The following HOMER2 variants were observed in gnomAD, a reference collection of about 807,000 sequenced individuals.
HOMER2 encodes homer protein homolog 2.
Under a neutral mutation model 47.0 loss-of-function variants are expected in HOMER2, and 27 were observed. That is an observed-to-expected ratio of 0.57 (90% CI 0.42 to 0.79). The LOEUF (loss-of-function observed/expected upper bound fraction) is 0.79, where lower values mean the gene tolerates loss of function less well. Among genes scored for constraint, HOMER2 ranks in the 30% least tolerant of loss-of-function variants. The pLI is 0.00. For synonymous variants in HOMER2, 161 were observed against 163.8 expected (o/e 0.98, Z 0.13); for missense variants, 443 against 435.0 (o/e 1.02, Z -0.16).
At chr15:82,958,979 A>G (rs1246243875) in exon 2 of HOMER2, 1 of 152,300 alleles carries the variant, frequency 6.6e-6, no homozygotes, top group Non-Finnish European at 1.5e-5. Flanking sequence ...CCTTACCCCT[A>G]TCAAAAGGTG....
At chr15:82,894,782 CA>C (rs1295510106) in intron 1 of HOMER2, among the ~76,000 whole-genome samples, 3 of 142,398 alleles carry the variant, frequency 2.1e-5, no homozygotes, top group Non-Finnish European at 3.0e-5. Flanking sequence ...TAAATCTTTA[CA>C]ATGTCAAAAG....
chr15:82,891,527 G>A (rs950536820), intron 2 of HOMER2, among the ~76,000 whole-genome samples: 1 of 152,190 alleles, frequency 6.6e-6, no homozygotes, highest in Admixed American at 6.5e-5. Context: ...TTCCCTGGGA[G>A]AGCTTCCCTG....
intron 3 of HOMER2, among the ~76,000 whole-genome samples, chr15:82,873,798 G>A (rs1051852194): frequency 1.3e-5 from 2 of 152,234 alleles, no homozygotes; most frequent in East Asian, 3.9e-4. Context: ...GGATGCAGAG[G>A]ACAGTCTGTG....
chr15:82,930,922 G>T (rs779729208), intron 1 of HOMER2, among the ~76,000 whole-genome samples: 1 of 152,036 alleles, frequency 6.6e-6, no homozygotes, highest in Non-Finnish European at 1.5e-5. Context: ...GCTACTTGGG[G>T]GGGCTGAGGC....
chr15:82,856,924 G>C (rs2051606369), intron 5 of HOMER2, among the ~76,000 whole-genome samples: 1 of 152,186 alleles, frequency 6.6e-6, no homozygotes. Context: ...CATGTGAGGT[G>C]ATGGAAGGTT....
At chr15:82,848,477 C>T (rs973828239), downstream of HOMER2, among the ~76,000 whole-genome samples, 1 of 152,230 alleles carries the variant, frequency 6.6e-6, no homozygotes, top group Non-Finnish European at 1.5e-5. Flanking sequence ...GCTGGCCCCA[C>T]TGAGCAGCTC....
chr15:82,881,683 G>A (rs895061223), intron 2 of HOMER2, among the ~76,000 whole-genome samples: 1 of 152,158 alleles, frequency 6.6e-6, no homozygotes, highest in Non-Finnish European at 1.5e-5. Context: ...GTTCCTGAAA[G>A]TAATTTTACA....
chr15:82,952,415 G>T, intron 1 of HOMER2, 116 bp downstream of exon 1: 1 of 732,646 alleles, frequency 1.4e-6, no homozygotes, highest in Non-Finnish European at 1.8e-6. Flanking sequence ...CGCTCGCTCC[G>T]GCTTGGGGAG....
At chr15:82,896,696 T>A (rs2052930515) in intron 1 of HOMER2, among the ~76,000 whole-genome samples, 1 of 143,330 alleles carries the variant, frequency 7.0e-6, no homozygotes, top group Non-Finnish European at 1.6e-5. Flanking sequence ...CCTGCATTCC[T>A]CATCCTCGAG....
intron 1 of HOMER2, among the ~76,000 whole-genome samples, chr15:82,973,522 A>G (rs1196572427): frequency 6.6e-6 from 1 of 152,192 alleles, no homozygotes; most frequent in African/African-American, 2.4e-5. Flanking sequence ...AGTAGTCTTC[A>G]TATTTTAACA....
chr15:82,877,310 C>A (rs141408502), intron 2 of HOMER2, among the ~76,000 whole-genome samples: 141 of 152,242 alleles, frequency 9.3e-4, no homozygotes, highest in African/African-American at 3.3e-3. Flanking sequence ...GCTGGAATTA[C>A]AGGTGACCGC....
intron 1 of HOMER2, among the ~76,000 whole-genome samples, chr15:82,925,027 C>T (rs1425582210): frequency 6.6e-6 from 1 of 152,168 alleles, no homozygotes; most frequent in Non-Finnish European, 1.5e-5. Flanking sequence ...AGGCTGAAGC[C>T]CTTGAGGTGC....
intron 1 of HOMER2, among the ~76,000 whole-genome samples, chr15:82,900,782 G>A (rs761865371): frequency 1.3e-5 from 2 of 152,100 alleles, no homozygotes; most frequent in Non-Finnish European, 2.9e-5. Context: ...CTCCTTGCCT[G>A]GTCTGAGCCC....
At chr15:82,936,020 G>A (rs190757388) in intron 1 of HOMER2, among the ~76,000 whole-genome samples, 1 of 152,300 alleles carries the variant, frequency 6.6e-6, no homozygotes, top group East Asian at 1.9e-4. Context: ...CCATGCCTCA[G>A]CTCAATTTCG....
At chr15:82,852,008 G>C in intron 7 of HOMER2, 134 bp downstream of exon 7, 1 of 629,358 alleles carries the variant, frequency 1.6e-6, no homozygotes, top group Admixed American at 2.9e-5. Context: ...CCTTGCTGTG[G>C]CTCCCAGCTC....
chr15:82,870,440 T>G (rs1010713962), intron 3 of HOMER2, among the ~76,000 whole-genome samples: 1 of 151,994 alleles, frequency 6.6e-6, no homozygotes, highest in African/African-American at 2.4e-5. Flanking sequence ...AGCCATCTTA[T>G]CACCACAAAG....
intron 1 of HOMER2, among the ~76,000 whole-genome samples, chr15:82,917,095 C>T (rs4842917): frequency 0.24 from 35,593 of 151,280 alleles, 4,633 homozygotes; most frequent in East Asian, 0.62. Flanking sequence ...CCACCGTGCC[C>T]GGCCCAGAGC....
At chr15:82,893,337 T>A (rs950922217) in intron 1 of HOMER2, among the ~76,000 whole-genome samples, 2 of 149,140 alleles carry the variant, frequency 1.3e-5, no homozygotes, top group African/African-American at 4.9e-5. Context: ...ATCTTTTTTT[T>A]TTTTTTTTTT....
chr15:82,877,477 G>A (rs1015532542), intron 2 of HOMER2, among the ~76,000 whole-genome samples: 1 of 152,106 alleles, frequency 6.6e-6, no homozygotes, highest in African/African-American at 2.4e-5. Flanking sequence ...CTGAGATTTG[G>A]GAAAGGTTAA....
Sources: allele counts gnomAD v4.1 joint callset (sites outside exome capture counted in the v4.1 genomes callset), GRCh38; gene constraint gnomAD v4.1.1; transcripts MANE v1.5; gene names NCBI Gene and HGNC (gene_info 2026-07-23, HGNC 2026-07-21).